Variants in RMP64 observed in about 807,000 individuals in gnomAD.
RMP64 encodes ribonuclease MRP subunit p64, also known as nucleolus and neural progenitor protein.
the RMP64 span, chr3:113,019,608 G>C: frequency 6.2e-7 from 1 of 1,613,870 alleles, no homozygotes; most frequent in South Asian, 1.1e-5. Context: ...ATTCTCACAC[G>C]GTTCCACGGC....
At chr3:113,007,324 G>T in the RMP64 span, among the ~76,000 whole-genome samples, 2 of 151,932 alleles carry the variant, frequency 1.3e-5, no homozygotes, top group Non-Finnish European at 2.9e-5. Context: ...TCTAAAACAG[G>T]AATATATTTT....
chr3:113,010,943 G>C, the RMP64 span: 4 of 1,098,948 alleles, frequency 3.6e-6, no homozygotes, highest in Admixed American at 2.6e-5. Context: ...GATGTGAGAT[G>C]TTGAATTTCT....
At chr3:113,017,796 G>GT in the RMP64 span, among the ~76,000 whole-genome samples, 9 of 152,312 alleles carry the variant, frequency 5.9e-5, no homozygotes, top group African/African-American at 2.2e-4. Flanking sequence ...ATGATATAAA[G>GT]TCCAGGAAAT....
chr3:113,012,240 A>C, the RMP64 span, among the ~76,000 whole-genome samples: 2 of 152,310 alleles, frequency 1.3e-5, no homozygotes, highest in Non-Finnish European at 2.9e-5. Context: ...GCACATAAGA[A>C]GGTCAAAAAT....
chr3:113,008,311 C>T, the RMP64 span: 1 of 1,614,146 alleles, frequency 6.2e-7, no homozygotes, highest in Non-Finnish European at 8.5e-7. Context: ...GTGTGAAGGA[C>T]TCAGCCTCTC....
chr3:113,019,089 G>C, the RMP64 span: 1 of 178,816 alleles, frequency 5.6e-6, no homozygotes, highest in South Asian at 1.1e-4. Context: ...TAAGCAGATA[G>C]AGGTCCGAAA....
the RMP64 span, chr3:113,005,928 T>C: frequency 6.8e-6 from 11 of 1,613,914 alleles, no homozygotes; most frequent in East Asian, 4.5e-5. Context: ...AGATGATGCT[T>C]TGAAGTTTTG....
At chr3:113,013,160 T>G in the RMP64 span, 1 of 1,183,308 alleles carries the variant, frequency 8.5e-7, no homozygotes, top group African/African-American at 1.6e-5. Flanking sequence ...GTTTAAGAAT[T>G]CCTGTAGGTT....
the RMP64 span, chr3:113,013,330 C>T: frequency 1.9e-6 from 3 of 1,614,036 alleles, no homozygotes; most frequent in East Asian, 4.5e-5. Context: ...GCTCCCAAAA[C>T]CTTCATCAAC....
At chr3:113,017,669 C>T in the RMP64 span, 1 of 1,379,770 alleles carries the variant, frequency 7.2e-7, no homozygotes, top group Non-Finnish European at 1.0e-6. Context: ...ATTAAAAACA[C>T]ACTAAAAAAA....
the RMP64 span, chr3:113,011,309 A>C: frequency 6.2e-7 from 1 of 1,613,754 alleles, no homozygotes; most frequent in East Asian, 2.2e-5. Context: ...AAATCTTTGA[A>C]GTAAGGCATT....
the RMP64 span, chr3:113,017,330 A>T: frequency 3.5e-6 from 3 of 847,480 alleles, no homozygotes; most frequent in Non-Finnish European, 5.4e-6. Context: ...AGGCCTATAA[A>T]ACACAAGTAA....
chr3:113,016,076 G>C, the RMP64 span, among the ~76,000 whole-genome samples: 1 of 152,020 alleles, frequency 6.6e-6, no homozygotes, highest in Admixed American at 6.6e-5. Flanking sequence ...TGAGCATGCA[G>C]GTGTGTTGAG....
chr3:113,007,679 C>T, the RMP64 span, among the ~76,000 whole-genome samples: 1 of 152,154 alleles, frequency 6.6e-6, no homozygotes, highest in Non-Finnish European at 1.5e-5. Context: ...TAGATAGAGT[C>T]CAGCTGCTAC....
chr3:113,017,563 A>T, the RMP64 span: 1 of 1,614,156 alleles, frequency 6.2e-7, no homozygotes, highest in Non-Finnish European at 8.5e-7. Context: ...CGACAGTATG[A>T]CGAGATGGCA....
At chr3:113,005,682 C>T in the RMP64 span, 1 of 1,613,942 alleles carries the variant, frequency 6.2e-7, no homozygotes, top group South Asian at 1.1e-5. Context: ...ATCATTTTCT[C>T]CTTAGTTTGT....
the RMP64 span, among the ~76,000 whole-genome samples, chr3:113,017,178 A>G: frequency 6.6e-6 from 1 of 152,232 alleles, no homozygotes; most frequent in African/African-American, 2.4e-5. Flanking sequence ...ATTGTATATA[A>G]TGAAGAAAAT....
At chr3:113,015,464 T>C in the RMP64 span, among the ~76,000 whole-genome samples, 3 of 152,194 alleles carry the variant, frequency 2.0e-5, no homozygotes, top group African/African-American at 7.2e-5. Context: ...TAGCATTTAA[T>C]TAAATATTTT....
At chr3:113,018,987 C>A in the RMP64 span, 1 of 153,388 alleles carries the variant, frequency 6.5e-6, no homozygotes, top group African/African-American at 2.4e-5. Context: ...TGGCAAAACA[C>A]CGTCGTTTAC....
Sources: gnomAD v4.1 joint callset for allele counts (sites outside exome capture counted in the v4.1 genomes callset) on GRCh38, gnomAD v4.1.1 for gene constraint, MANE v1.5 for transcripts, NCBI Gene and HGNC (gene_info 2026-07-23, HGNC 2026-07-21) for gene names.